Variants in SP4 observed in about 807,000 individuals in gnomAD.
The protein encoded by SP4 is Sp4 transcription factor.
SP4 carries 19 observed loss-of-function variants against 72.8 expected under a neutral mutation model. The ratio of observed to expected loss-of-function variants is 0.26; its 90% CI spans 0.18 to 0.38. SP4 has a LOEUF of 0.38. Ranked by LOEUF, SP4 falls within the 10% of genes least tolerant of loss-of-function variation. The pLI is 1.00. For missense variants in SP4, 1,008 were observed against 926.3 expected, an observed-to-expected ratio of 1.09 and a Z score of -1.14; for synonymous variants, 395 against 333.1, an observed-to-expected ratio of 1.19 and a Z score of -2.02.
rs377180028 is a variant in SP4, at chr7:21,428,658, G to A, written c.8-19G>A. The A allele has an allele frequency of 3.8e-5, 58 of 1,528,450 alleles. No individual in the cohort carries two copies. In the African/African-American group the frequency reaches 5.4e-4, roughly 14 times the overall value. The allele number at this position is 1,528,450 out of a possible 1,614,324, so 94.7% of individuals were successfully genotyped here. A position where few individuals can be genotyped will look rare whatever the true frequency, so the allele number is the denominator to read the frequency against. On this transcript the variant is annotated intron_variant, in intron 1 of 5. Coordinates refer to ENST00000222584, the MANE Select transcript of SP4 (RefSeq NM_003112.5). ...AATAACCTGTTGTCGTGTGTGTGTG[G>A]TGGGGGGGTTTGTTGCAGATCAGAA...
intron 3 of SP4, among the ~76,000 whole-genome samples, chr7:21,468,667 T>C (rs2128405620): frequency 6.6e-6 from 1 of 152,192 alleles, no homozygotes; most frequent in South Asian, 2.1e-4. Context: ...CTAAGTAATA[T>C]AATTATATCT....
Position 21,503,346 on chromosome 7 carries a change from T to C in SP4, c.2108-7676T>C, listed in dbSNP as rs370021583. ...ACTCGTAGAGGGGCAATCCCAAGTC[T>C]TTTATTGGTGCTTGTTCTAATCTAA... On this transcript the variant is annotated intron_variant, in intron 5 of 5. Coordinates refer to ENST00000222584, the MANE Select transcript of SP4 (RefSeq NM_003112.5). 1.3e-3 allele frequency among the ~76,000 whole-genome samples: 194 copies of C among 152,118 alleles called. 1 individual carries two copies. Among genetic ancestry groups the C allele is most frequent in the African/African-American group, 4.6e-3 (189 of 41,382 alleles).
intron 5 of SP4, among the ~76,000 whole-genome samples, chr7:21,497,855 A>G (rs1296123260): frequency 6.6e-6 from 1 of 152,226 alleles, no homozygotes; most frequent in African/African-American, 2.4e-5. Flanking sequence ...CTACAGGAAA[A>G]AATGAAAAAT....
intron 4 of SP4, among the ~76,000 whole-genome samples, chr7:21,477,798 C>A (rs1401057755): frequency 6.6e-6 from 1 of 152,204 alleles, no homozygotes; most frequent in Admixed American, 6.5e-5. Context: ...ACCTCAGCCC[C>A]CCAAGTGCTG....
intron 3 of SP4, among the ~76,000 whole-genome samples, chr7:21,445,672 T>G (rs1783400131): frequency 6.6e-6 from 1 of 152,126 alleles, no homozygotes; most frequent in South Asian, 2.1e-4. Flanking sequence ...AAAGTTTAAA[T>G]AATTTGCCTA....
intron 3 of SP4, among the ~76,000 whole-genome samples, chr7:21,464,450 C>G (rs970006088): frequency 1.3e-5 from 2 of 152,132 alleles, no homozygotes; most frequent in Non-Finnish European, 2.9e-5. Flanking sequence ...AGCTTCTTTC[C>G]TAACTGGTAT....
Position 21,428,705 on chromosome 7 carries a change from G to T in SP4, c.36G>T (p.Ala12=). 6.4e-7 allele frequency: 1 copy of T among 1,554,276 alleles called. No individual in the cohort carries two copies. The highest frequency in any genetic ancestry group is 8.7e-7 in the Non-Finnish European group (1 of 1,148,442). The change falls in exon 2 of 6, where the codon GCG becomes GCT. Residue 12 remains alanine (A), a synonymous_variant. Transcript: ENST00000222584. ...SDQKKEEEEE[A]AAAAAMATEG... ...AGAAGAAGGAGGAGGAGGAGGAGGC[G>T]GCAGCGGCAGCGGCGATGGCTACAG...
At chr7:21,448,958 G>A (rs1353865472) in intron 3 of SP4, among the ~76,000 whole-genome samples, 2 of 152,136 alleles carry the variant, frequency 1.3e-5, no homozygotes, top group Middle Eastern at 3.2e-3. Context: ...GAGGTCTGCT[G>A]ACTTTGGAAG....
chr7:21,442,824 CT>C (rs1392639678), intron 3 of SP4, among the ~76,000 whole-genome samples: 1 of 152,224 alleles, frequency 6.6e-6, no homozygotes, highest in Non-Finnish European at 1.5e-5. Context: ...CAGCCTCTGC[CT>C]TCCGGGTTCA....
chr7:21,460,690 G>A (rs1156885262), intron 3 of SP4, among the ~76,000 whole-genome samples: 5 of 152,128 alleles, frequency 3.3e-5, no homozygotes, highest in Admixed American at 6.5e-5. Context: ...ATTTTGACAC[G>A]GTGCTGATTG....
intron 3 of SP4, among the ~76,000 whole-genome samples, chr7:21,456,864 C>A (rs1783781478): frequency 6.6e-6 from 1 of 152,204 alleles, no homozygotes; most frequent in South Asian, 2.1e-4. Flanking sequence ...AAGGTCTTTC[C>A]CATCCCCACA....
chr7:21,433,832 C>T (rs1352885913), intron 3 of SP4, among the ~76,000 whole-genome samples: 4 of 151,986 alleles, frequency 2.6e-5, no homozygotes, highest in African/African-American at 9.7e-5. Context: ...CCCAGCTACT[C>T]AGGAGGCTGA....
At chr7:21,433,172 T>C (rs1782922303) in intron 3 of SP4, among the ~76,000 whole-genome samples, 1 of 152,218 alleles carries the variant, frequency 6.6e-6, no homozygotes, top group Non-Finnish European at 1.5e-5. Flanking sequence ...TTGAGATGGC[T>C]ACTGTATGCT....
intron 3 of SP4, among the ~76,000 whole-genome samples, chr7:21,448,886 C>T (rs985075618): frequency 1.3e-5 from 2 of 152,198 alleles, no homozygotes; most frequent in African/African-American, 4.8e-5. Flanking sequence ...TGAGACTCCT[C>T]TATTACTTGG....
At chr7:21,444,147 T>C (rs1010429254) in intron 3 of SP4, among the ~76,000 whole-genome samples, 2 of 152,204 alleles carry the variant, frequency 1.3e-5, no homozygotes, top group Non-Finnish European at 2.9e-5. Flanking sequence ...CATCCATGAA[T>C]TCAGTCAGCA....
At chr7:21,428,588 G>A in intron 1 of SP4, 89 bp from the exon 2 acceptor site, 2 of 1,286,552 alleles carry the variant, frequency 1.6e-6, no homozygotes, top group South Asian at 2.9e-5. Context: ...TGTTCGGGGG[G>A]AGGGGGGAGA....
At chr7:21,446,027 T>C (rs1783415981) in intron 3 of SP4, among the ~76,000 whole-genome samples, 2 of 134,068 alleles carry the variant, frequency 1.5e-5, no homozygotes, top group African/African-American at 5.7e-5. Flanking sequence ...TGTGTGTGTG[T>C]GTGCACGCAT....
intron 3 of SP4, chr7:21,470,990 G>T: frequency 1.9e-6 from 1 of 515,134 alleles, no homozygotes; most frequent in Non-Finnish European, 4.0e-6. Context: ...TCTGTAAGAT[G>T]AATAGACTTT....
rs755676732 is a variant in SP4 at position 21,429,726 on chromosome 7, A to T, written c.561A>T (p.Ser187=). The change falls in exon 3 of 6, where the codon TCA becomes TCT. Residue 187 remains serine, a synonymous_variant. Coordinates refer to ENST00000222584, the MANE Select transcript of SP4 (RefSeq NM_003112.5). ...TTCAAATCAATCCAACTAGTAGTTC[A>T]TCTCTACAGGATTTGCAGGGTCAAA... The part of the protein sequence containing the change: ...QQIQINPTSS[S]SLQDLQGQIQ... 1.9e-6 allele frequency: 3 copies of T among 1,614,214 alleles called. No homozygotes were observed. The highest frequency in any genetic ancestry group is 2.5e-6 in the Non-Finnish European group (3 of 1,180,040).
Sources: allele counts gnomAD v4.1 joint callset (sites outside exome capture counted in the v4.1 genomes callset), GRCh38; gene constraint gnomAD v4.1.1; transcripts MANE v1.5; gene names NCBI Gene and HGNC (gene_info 2026-07-23, HGNC 2026-07-21).